Variants in SUPT3H observed in about 807,000 individuals in gnomAD.
The protein encoded by SUPT3H is transcription initiation protein SPT3 homolog.
Under a neutral mutation model 44.3 loss-of-function variants are expected in SUPT3H, and 44 were observed. The observed-to-expected ratio is 0.99, with a 90% confidence interval of 0.78 to 1.28. SUPT3H has a LOEUF of 1.28. SUPT3H is among the 50% of genes most tolerant of loss of function. The pLI, the probability that SUPT3H is intolerant of heterozygous loss-of-function variation, is 0.00. For synonymous variants in SUPT3H, 124 were observed against 125.6 expected, an observed-to-expected ratio of 0.99 and a Z score of 0.09; for missense variants, 380 against 387.1, an observed-to-expected ratio of 0.98 and a Z score of 0.15.
At chr6:45,139,028 T>C (rs1804757698) in intron 2 of SUPT3H, among the ~76,000 whole-genome samples, 1 of 152,110 alleles carries the variant, frequency 6.6e-6, no homozygotes, top group African/African-American at 2.4e-5. Context: ...AAGAAAAAAA[T>C]TCCTAGCTAC....
chr6:45,365,082 T>A (rs961275155), intron 2 of SUPT3H, 119 bp downstream of exon 2: 5 of 684,642 alleles, frequency 7.3e-6, no homozygotes, highest in African/African-American at 7.3e-5. Flanking sequence ...ATTTCATTTT[T>A]ACTTGATTAA....
chr6:45,330,709 G>C (rs1157380500), intron 2 of SUPT3H, among the ~76,000 whole-genome samples: 1 of 151,780 alleles, frequency 6.6e-6, no homozygotes, highest in African/African-American at 2.4e-5. Flanking sequence ...AGCAAGGCAT[G>C]GTAGTGAACC....
At chr6:45,108,767 T>A (rs1347206759) in intron 2 of SUPT3H, among the ~76,000 whole-genome samples, 2 of 151,938 alleles carry the variant, frequency 1.3e-5, no homozygotes, top group African/African-American at 2.4e-5. Context: ...AAGAACCAGA[T>A]CAATATAAGG....
In SUPT3H at chr6:45,095,526, T is replaced by G. The variant is rs191998778; in HGVS notation, c.186+10396A>C. Among the ~76,000 whole-genome samples the G allele has an allele frequency of 2.6e-3, 391 of 152,246 alleles. 3 individuals are homozygous for G. The highest frequency in any genetic ancestry group is 8.6e-3 in the African/African-American group (357 of 41,552). Reference sequence around the variant, plus strand: ...ATTTGTTCTTTATTACTTTTCATAATTAAGGAGAATTAGCTAAACATGATA... The same window carrying G: ...ATTTGTTCTTTATTACTTTTCATAAGTAAGGAGAATTAGCTAAACATGATA... On this transcript the variant is annotated intron_variant, in intron 3 of 10. Transcript: ENST00000371459. This position sits in a 1 kb window ranked among gnomAD's most constrained non-coding sequence, Gnocchi z 4.1.
chr6:45,369,064 A>C (rs1050738008), intron 1 of SUPT3H, among the ~76,000 whole-genome samples: 3 of 152,162 alleles, frequency 2.0e-5, no homozygotes, highest in Non-Finnish European at 4.4e-5. Flanking sequence ...AGTGTTTAGA[A>C]TAACACAAAG....
chr6:45,086,515 G>A (rs1184702134), intron 3 of SUPT3H, among the ~76,000 whole-genome samples: 1 of 151,938 alleles, frequency 6.6e-6, no homozygotes, highest in Non-Finnish European at 1.5e-5. Context: ...TTTGTTCTAT[G>A]ACACAGAGAC....
intron 2 of SUPT3H, among the ~76,000 whole-genome samples, chr6:45,119,324 G>A (rs1284984): frequency 0.029 from 4,473 of 152,160 alleles, 90 homozygotes; most frequent in Non-Finnish European, 0.047. Flanking sequence ...ATAATCACCT[G>A]TTATTTAAAT....
At chr6:45,366,056 T>A (rs1181428100) in intron 1 of SUPT3H, among the ~76,000 whole-genome samples, 1 of 152,172 alleles carries the variant, frequency 6.6e-6, no homozygotes, top group Non-Finnish European at 1.5e-5. Flanking sequence ...ATTAAAATAA[T>A]GTCATGAAAG....
chr6:45,377,387 G>C (rs1240858058), intron 1 of SUPT3H: 2 of 152,214 alleles, frequency 1.3e-5, no homozygotes, highest in Non-Finnish European at 2.9e-5. Flanking sequence ...TTCTCTCGCC[G>C]TGCCATAAAG....
intron 2 of SUPT3H, among the ~76,000 whole-genome samples, chr6:45,214,253 G>A (rs566482951): frequency 4.6e-5 from 7 of 151,880 alleles, no homozygotes; most frequent in Non-Finnish European, 1.0e-4. Context: ...GCTGAGAAAA[G>A]TGAAAATAAC....
chr6:44,812,568 A>G (rs754112577), intron 11 of SUPT3H, among the ~76,000 whole-genome samples: 30 of 152,126 alleles, frequency 2.0e-4, no homozygotes, highest in Non-Finnish European at 3.4e-4. Flanking sequence ...CCCTTTTGCT[A>G]TGTGATGTAA....
intron 10 of SUPT3H, among the ~76,000 whole-genome samples, chr6:44,898,034 A>G (rs1450107009): frequency 6.6e-6 from 1 of 152,242 alleles, no homozygotes; most frequent in East Asian, 1.9e-4. Flanking sequence ...AATTATTATT[A>G]CATAACATAC....
At chr6:45,333,650 A>G (rs756887389) in intron 2 of SUPT3H, among the ~76,000 whole-genome samples, 30 of 151,328 alleles carry the variant, frequency 2.0e-4, no homozygotes, top group Non-Finnish European at 3.7e-4. Flanking sequence ...AAAAACAATC[A>G]TTTTTTATAT....
Position 45,181,869 on chromosome 6 carries a change from T to TA in SUPT3H, c.102-75864dup, listed in dbSNP as rs1415517835. 1.2e-4 allele frequency among the ~76,000 whole-genome samples: 18 copies of TA among 147,636 alleles called. No homozygotes were observed. In the East Asian group the frequency reaches 3.4e-3, roughly 28 times the overall value. On this transcript the variant is annotated intron_variant, in intron 2 of 10. Transcript: ENST00000371459. ...TACCCTAAAACTTAAAGTATAATAA[T>TA]AATAAATAAATAAATAAATAAATAA...
intron 2 of SUPT3H, among the ~76,000 whole-genome samples, chr6:45,110,981 A>G (rs1224223490): frequency 6.6e-6 from 1 of 152,184 alleles, no homozygotes; most frequent in East Asian, 1.9e-4. Flanking sequence ...AACAGCATAA[A>G]ATAAACACAA....
chr6:45,228,656 A>AT (rs897592476), intron 2 of SUPT3H, among the ~76,000 whole-genome samples: 8 of 150,746 alleles, frequency 5.3e-5, no homozygotes, highest in Admixed American at 2.7e-4. Flanking sequence ...AATAAAAAAA[A>AT]TTTTTTTTTT....
At chr6:45,187,786 T>C (rs1237897419) in intron 2 of SUPT3H, among the ~76,000 whole-genome samples, 1 of 152,184 alleles carries the variant, frequency 6.6e-6, no homozygotes, top group African/African-American at 2.4e-5. Context: ...ATATTTCTCA[T>C]GAACTTAGAT....
At chr6:45,142,663 G>C (rs1805404903) in intron 2 of SUPT3H, among the ~76,000 whole-genome samples, 1 of 148,296 alleles carries the variant, frequency 6.7e-6, no homozygotes, top group East Asian at 2.0e-4. Flanking sequence ...TTGATCCTGG[G>C]AGGCGGAAGT....
intron 2 of SUPT3H, among the ~76,000 whole-genome samples, chr6:45,130,712 C>CT (rs1194423160): frequency 0.033 from 2,935 of 88,284 alleles, 229 homozygotes; most frequent in African/African-American, 0.081. Context: ...AAAAAAACCA[C>CT]TTTTTTTTTT....
Sources: gnomAD v4.1 joint callset for allele counts (sites outside exome capture counted in the v4.1 genomes callset) on GRCh38, gnomAD v4.1.1 for gene constraint, Gnocchi (gnomAD v3.1) non-coding constraint, MANE v1.5 for transcripts, NCBI Gene and HGNC (gene_info 2026-07-23, HGNC 2026-07-21) for gene names.